Variants in NOL4 observed in about 807,000 individuals in gnomAD.
NOL4 encodes cancer/testis antigen 125.
Under a neutral mutation model 75.9 loss-of-function variants are expected in NOL4, and 17 were observed. The observed-to-expected ratio is 0.22, with a 90% confidence interval of 0.15 to 0.34. NOL4 has a LOEUF of 0.34. Ranked by LOEUF, NOL4 falls within the 10% of genes least tolerant of loss-of-function variation. The probability of loss-of-function intolerance (pLI) is 1.00; values close to 1 mark genes in which losing one functional copy is unlikely to be tolerated. For synonymous variants in NOL4, 292 were observed against 289.9 expected (o/e 1.01, Z -0.07); for missense variants, 614 against 793.5 (o/e 0.77, Z 2.72).
Position 33,870,420 on chromosome 18 carries a change from A to C in NOL4, c.1723+12824T>G, listed in dbSNP as rs1258631663. Among the ~76,000 whole-genome samples the C allele has an allele frequency of 3.3e-5, 5 of 151,978 alleles. 1 individual carries two copies. The East Asian group carries it at 9.7e-4, about 29-fold the overall frequency. On this transcript the variant is annotated intron_variant, in intron 10 of 10. Transcript: ENST00000261592. ...TTAGATTAGAGGAGTAAGTTCAAGA[A>C]ATCTACTGTATGGCATAGTTAATGC...
intron 6 of NOL4, among the ~76,000 whole-genome samples, chr18:34,011,664 C>A (rs535376057): frequency 6.6e-6 from 1 of 151,626 alleles, no homozygotes; most frequent in South Asian, 2.1e-4. Context: ...AAACAGAAAG[C>A]CCATAAACAA....
intron 1 of NOL4, among the ~76,000 whole-genome samples, chr18:34,211,293 G>C (rs182602355): frequency 1.1e-4 from 17 of 152,260 alleles, no homozygotes; most frequent in Admixed American, 5.9e-4. Flanking sequence ...GAGGAAAAAT[G>C]AGCAACAACA....
intron 1 of NOL4, among the ~76,000 whole-genome samples, chr18:34,194,549 T>G (rs1432554765): frequency 2.6e-5 from 4 of 152,008 alleles, no homozygotes; most frequent in Non-Finnish European, 4.4e-5. Flanking sequence ...ACCTCGTAAG[T>G]AAGCTGGGAA....
intron 2 of NOL4, among the ~76,000 whole-genome samples, chr18:34,109,602 CAAA>C (rs1348175576): frequency 1.3e-5 from 2 of 150,826 alleles, no homozygotes; most frequent in Non-Finnish European, 3.0e-5. Context: ...CTTTATATCT[CAAA>C]GAAGTAGAAA....
chr18:34,048,416 A>G (rs2144926572), intron 5 of NOL4: 1 of 982,430 alleles, frequency 1.0e-6, no homozygotes, highest in Non-Finnish European at 1.2e-6. Flanking sequence ...TCAATATTCT[A>G]CTCTGGAGGA....
At chr18:34,040,261 G>T (rs760797661) in intron 5 of NOL4, among the ~76,000 whole-genome samples, 2 of 151,768 alleles carry the variant, frequency 1.3e-5, no homozygotes, top group Admixed American at 1.3e-4. Context: ...AAGAATAGGG[G>T]ACCCTTCCTT....
At chr18:34,099,695 T>C (rs2078955117) in intron 4 of NOL4, among the ~76,000 whole-genome samples, 1 of 152,094 alleles carries the variant, frequency 6.6e-6, no homozygotes, top group Non-Finnish European at 1.5e-5. Context: ...TCTAACCCTT[T>C]TGCATTGACC....
chr18:33,979,296 C>A (rs1162150733), intron 6 of NOL4, among the ~76,000 whole-genome samples: 1 of 151,874 alleles, frequency 6.6e-6, no homozygotes, highest in Non-Finnish European at 1.5e-5. Context: ...AAAAAGAAGA[C>A]AATGATAACT....
intron 2 of NOL4, among the ~76,000 whole-genome samples, chr18:34,111,722 G>C (rs900322981): frequency 8.6e-5 from 13 of 151,976 alleles, no homozygotes; most frequent in African/African-American, 2.4e-4. Flanking sequence ...ATGGCTAACA[G>C]GTATATGAAA....
At chr18:34,122,641 C>A (rs1448492213) in intron 2 of NOL4, among the ~76,000 whole-genome samples, 2 of 152,102 alleles carry the variant, frequency 1.3e-5, no homozygotes, top group Admixed American at 1.3e-4. Context: ...AGAACTTACA[C>A]TATCAAGATT....
At chr18:34,118,568 G>A (rs963140034) in intron 2 of NOL4, among the ~76,000 whole-genome samples, 3 of 152,174 alleles carry the variant, frequency 2.0e-5, no homozygotes, top group East Asian at 3.9e-4. Context: ...ATAAATCTAG[G>A]CTCTATGCAT....
At chr18:34,075,361 G>C (rs2077698251) in intron 5 of NOL4, among the ~76,000 whole-genome samples, 1 of 152,142 alleles carries the variant, frequency 6.6e-6, no homozygotes, top group Non-Finnish European at 1.5e-5. Context: ...GGGTGTGTGT[G>C]AGAGAATCTA....
At chr18:34,078,535 A>C (rs1307996626) in intron 5 of NOL4, among the ~76,000 whole-genome samples, 1 of 152,212 alleles carries the variant, frequency 6.6e-6, no homozygotes, top group Non-Finnish European at 1.5e-5. Context: ...AATACATTTC[A>C]TTCCTACAAA....
chr18:34,146,489 T>C (rs889470815), intron 1 of NOL4, among the ~76,000 whole-genome samples: 1 of 152,160 alleles, frequency 6.6e-6, no homozygotes, highest in Non-Finnish European at 1.5e-5. Flanking sequence ...GGGAATCCTT[T>C]CCCCATTGCT....
chr18:34,072,237 A>AAC (rs2077554757), intron 5 of NOL4, among the ~76,000 whole-genome samples: 1 of 152,094 alleles, frequency 6.6e-6, no homozygotes, highest in East Asian at 1.9e-4. Context: ...AAAACAAACA[A>AAC]ACAAAAAAAG....
At chr18:33,884,646 T>C (rs1396759951) in intron 9 of NOL4, among the ~76,000 whole-genome samples, 2 of 151,910 alleles carry the variant, frequency 1.3e-5, no homozygotes, top group African/African-American at 4.8e-5. Flanking sequence ...TAGGAAAGAA[T>C]TATAAAGAGA....
At chr18:33,915,558 T>A (rs2145195843) in intron 9 of NOL4, among the ~76,000 whole-genome samples, 1 of 152,070 alleles carries the variant, frequency 6.6e-6, no homozygotes, top group African/African-American at 2.4e-5. Flanking sequence ...TGGGATGCAG[T>A]AAATAAGGAG....
At chr18:33,874,751 T>G (rs2063853657) in intron 10 of NOL4, among the ~76,000 whole-genome samples, 1 of 151,942 alleles carries the variant, frequency 6.6e-6, no homozygotes, top group Non-Finnish European at 1.5e-5. Context: ...CTTTGAACAT[T>G]TCAGATGAAA....
intron 1 of NOL4, among the ~76,000 whole-genome samples, chr18:34,217,297 T>A (rs1028012678): frequency 6.6e-6 from 1 of 152,130 alleles, no homozygotes; most frequent in African/African-American, 2.4e-5. Context: ...TTTATTTATT[T>A]TTTTTGAGAT....
Sources: allele counts gnomAD v4.1 joint callset (sites outside exome capture counted in the v4.1 genomes callset), GRCh38; gene constraint gnomAD v4.1.1; transcripts MANE v1.5; gene names NCBI Gene and HGNC (gene_info 2026-07-23, HGNC 2026-07-21).